The following CBFA2T2 variants were observed in gnomAD, a reference collection of about 807,000 sequenced individuals.
The protein encoded by CBFA2T2 is protein CBFA2T2.
A neutral mutation model predicts 62.2 loss-of-function variants in CBFA2T2; 11 were observed. That is an observed-to-expected ratio of 0.18 (90% CI 0.11 to 0.29). The LOEUF is 0.29. Ranked by LOEUF, CBFA2T2 falls within the 10% of genes least tolerant of loss-of-function variation. The pLI is 1.00. For synonymous variants in CBFA2T2, 295 were observed against 287.5 expected (o/e 1.03, Z -0.27); for missense variants, 592 against 774.1 (o/e 0.76, Z 2.79).
intron 1 of CBFA2T2, among the ~76,000 whole-genome samples, chr20:33,541,418 G>T (rs1333577002): frequency 6.6e-6 from 1 of 152,210 alleles, no homozygotes; most frequent in Non-Finnish European, 1.5e-5. Flanking sequence ...TTGTATATGG[G>T]TGTATGGAAG....
At chr20:33,625,192 T>A (rs764148318) in intron 6 of CBFA2T2, among the ~76,000 whole-genome samples, 175 bp downstream of exon 6, 1 of 152,252 alleles carries the variant, frequency 6.6e-6, no homozygotes, top group Non-Finnish European at 1.5e-5. Flanking sequence ...ATTTGATACC[T>A]TGTTGCTATG....
At chr20:33,501,630 CTTTTTTTT>C (rs869281966) in intron 1 of CBFA2T2, among the ~76,000 whole-genome samples, 119 of 63,260 alleles carry the variant, frequency 1.9e-3, no homozygotes, top group African/African-American at 7.5e-3. Context: ...CTTAGCCTTC[CTTTTTTTT>C]TTTTTTTTTT....
intron 2 of CBFA2T2, among the ~76,000 whole-genome samples, chr20:33,610,066 G>A (rs530133641): frequency 6.6e-6 from 1 of 152,276 alleles, no homozygotes; most frequent in East Asian, 1.9e-4. Context: ...AGGATCACTT[G>A]AGCCCAGGAG....
intron 1 of CBFA2T2, among the ~76,000 whole-genome samples, chr20:33,524,762 TA>T (rs1444164713): frequency 2.6e-5 from 4 of 152,352 alleles, no homozygotes; most frequent in South Asian, 4.1e-4. Flanking sequence ...TGGTAAGGTA[TA>T]TTTTTTTGGT....
intron 1 of CBFA2T2, among the ~76,000 whole-genome samples, chr20:33,495,177 A>G (rs1442913543): frequency 1.3e-5 from 2 of 151,840 alleles, no homozygotes; most frequent in African/African-American, 2.4e-5. Flanking sequence ...TGGGCGGATC[A>G]TCTGAGGTCA....
chr20:33,569,942 T>C (rs1386456769), intron 1 of CBFA2T2, among the ~76,000 whole-genome samples: 1 of 152,110 alleles, frequency 6.6e-6, no homozygotes. Flanking sequence ...GCCTCTTGTC[T>C]CAGGTACTCA....
chr20:33,545,686 ATC>A (rs1490316161), intron 1 of CBFA2T2, among the ~76,000 whole-genome samples: 1 of 152,156 alleles, frequency 6.6e-6, no homozygotes, highest in Non-Finnish European at 1.5e-5. Context: ...ACGTCAGGTT[ATC>A]TGTCCCCTGT....
At chr20:33,548,186 AT>A (rs1309962888) in intron 1 of CBFA2T2, among the ~76,000 whole-genome samples, 4 of 151,902 alleles carry the variant, frequency 2.6e-5, no homozygotes, top group Admixed American at 2.6e-4. Context: ...CCTCTAATTA[AT>A]TTTTAGCATT....
chr20:33,514,206 GTTTTTTTTTTTTT>G (rs1196003433), intron 1 of CBFA2T2, among the ~76,000 whole-genome samples: 3 of 53,330 alleles, frequency 5.6e-5, no homozygotes, highest in Non-Finnish European at 1.1e-4. Context: ...CCCTGCCTTT[GTTTTTTTTTTTTT>G]TTTTTTTTTT....
chr20:33,509,715 G>A (rs757741710), intron 1 of CBFA2T2, among the ~76,000 whole-genome samples: 1 of 152,052 alleles, frequency 6.6e-6, no homozygotes, highest in Non-Finnish European at 1.5e-5. Flanking sequence ...TGTAATCCCA[G>A]CTACTTGGGA....
intron 1 of CBFA2T2, among the ~76,000 whole-genome samples, chr20:33,539,942 A>C (rs1173801307): frequency 6.6e-6 from 1 of 151,844 alleles, no homozygotes. Flanking sequence ...AAGTGCTGGG[A>C]TTATTGGTGT....
chr20:33,562,059 A>G (rs1306093709), intron 1 of CBFA2T2, among the ~76,000 whole-genome samples: 1 of 152,224 alleles, frequency 6.6e-6, no homozygotes, highest in African/African-American at 2.4e-5. Flanking sequence ...CTATTAAACA[A>G]TAGCAGAAAC....
rs562552107 is a variant in CBFA2T2, at chr20:33,536,850, G to T, written c.34+46549G>T. On this transcript the variant is annotated intron_variant, in intron 1 of 10. Coordinates refer to ENST00000342704, the MANE Select transcript of CBFA2T2 (RefSeq NM_001032999.3). ...GCGCTCCTCACTTCCTAGATGGGATGGCGGCTGGGCAGAGACGCTCCTCAC... is the reference window on the plus strand; with the variant it reads ...GCGCTCCTCACTTCCTAGATGGGATTGCGGCTGGGCAGAGACGCTCCTCAC... 6.0e-3 allele frequency among the ~76,000 whole-genome samples: 896 copies of T among 150,026 alleles called. 16 individuals are homozygous for T. The highest frequency in any genetic ancestry group is 0.021 in the African/African-American group (864 of 40,458).
intron 1 of CBFA2T2, among the ~76,000 whole-genome samples, chr20:33,560,365 C>G (rs1444959306): frequency 1.3e-5 from 2 of 152,192 alleles, no homozygotes; most frequent in Admixed American, 6.5e-5. Flanking sequence ...TTCAGACAAC[C>G]TGATGCTGAC....
intron 1 of CBFA2T2, 70 bp from the exon 2 acceptor site, chr20:33,606,886 A>G: frequency 2.0e-6 from 3 of 1,484,994 alleles, no homozygotes; most frequent in South Asian, 1.2e-5. Flanking sequence ...GTATGTTGGT[A>G]TTTCAAATTG....
chr20:33,574,395 G>T (rs113283800), intron 1 of CBFA2T2: 2 of 673,416 alleles, frequency 3.0e-6, no homozygotes, highest in South Asian at 1.7e-5. Flanking sequence ...GGAGGCCAAG[G>T]CGGGTGGATC....
intron 1 of CBFA2T2, among the ~76,000 whole-genome samples, chr20:33,529,270 CCACCT>C (rs1029033784): frequency 6.6e-6 from 1 of 151,972 alleles, no homozygotes; most frequent in Non-Finnish European, 1.5e-5. Flanking sequence ...CGTGATCCGC[CCACCT>C]CGGCCTCCCA....
chr20:33,537,379 C>T (rs1351900455), intron 1 of CBFA2T2, among the ~76,000 whole-genome samples: 4 of 152,188 alleles, frequency 2.6e-5, no homozygotes, highest in Admixed American at 6.5e-5. Context: ...CGCAGGCACT[C>T]GGCAGGCTGA....
chr20:33,637,419 A>G (rs1177225123), intron 9 of CBFA2T2, among the ~76,000 whole-genome samples: 1 of 152,262 alleles, frequency 6.6e-6, no homozygotes, highest in Non-Finnish European at 1.5e-5. Flanking sequence ...ACAGTAGTAA[A>G]CAAATAAAAG....
Sources: gnomAD v4.1 joint callset for allele counts (sites outside exome capture counted in the v4.1 genomes callset) on GRCh38, gnomAD v4.1.1 for gene constraint, MANE v1.5 for transcripts, NCBI Gene and HGNC (gene_info 2026-07-23, HGNC 2026-07-21) for gene names.